The following POLQ variants were observed in gnomAD, a reference collection of about 807,000 sequenced individuals.
The protein encoded by POLQ is epididymis secretory sperm binding protein.
Under a neutral mutation model 259.2 loss-of-function variants are expected in POLQ, and 233 were observed. The observed-to-expected ratio is 0.90, with a 90% CI of 0.81 to 1.00. POLQ has a LOEUF of 1.00. Among genes scored for constraint, POLQ ranks in the 50% least tolerant of loss-of-function variants. The probability of loss-of-function intolerance (pLI) is 0.00; values close to 1 mark genes in which losing one functional copy is unlikely to be tolerated. For missense variants in POLQ, 2,871 were observed against 3,051.6 expected, an observed-to-expected ratio of 0.94 and a Z score of 1.39; for synonymous variants, 1,025 against 1,048.8, an observed-to-expected ratio of 0.98 and a Z score of 0.44.
intron 25 of POLQ, among the ~76,000 whole-genome samples, chr3:121,453,873 C>A (rs890500893): frequency 2.6e-5 from 4 of 152,066 alleles, no homozygotes; most frequent in East Asian, 1.9e-4. Context: ...TTCAGGAAAT[C>A]CAGAGAACGC....
chr3:121,466,686 A>G (rs1474942616), intron 24 of POLQ, among the ~76,000 whole-genome samples: 1 of 150,964 alleles, frequency 6.6e-6, no homozygotes, highest in Non-Finnish European at 1.5e-5. Flanking sequence ...GGGAAACTCC[A>G]TCTCGAAAAA....
intron 25 of POLQ, among the ~76,000 whole-genome samples, chr3:121,456,605 C>T (rs2108782095): frequency 6.6e-6 from 1 of 151,586 alleles, no homozygotes; most frequent in African/African-American, 2.4e-5. Flanking sequence ...AAACAGAGAG[C>T]CAAATCATGA....
chr3:121,504,424 C>G (rs1357914313), intron 12 of POLQ, among the ~76,000 whole-genome samples: 1 of 152,136 alleles, frequency 6.6e-6, no homozygotes, highest in African/African-American at 2.4e-5. Flanking sequence ...AAGTAAAGCC[C>G]AGGCCCAAGT....
chr3:121,467,658 T>A lies in POLQ; in HGVS notation c.6846-18A>T. ...ATTTTCCTCTGTGGTGCAAACAACA[T>A]CATCAGTTAGACATGAAGCAGTCTC... On this transcript the variant is annotated intron_variant, in intron 23 of 29. Transcript: ENST00000264233. 2.5e-6 allele frequency: 4 copies of A among 1,611,850 alleles called. No individual in the cohort carries two copies. The highest frequency in any genetic ancestry group is 3.4e-6 in the Non-Finnish European group (4 of 1,178,638).
chr3:121,488,338 GTCT>G lies in POLQ; in HGVS notation c.4590_4592del (p.Glu1530del). ...CATTTACATTTGATTTTTTAATTAGGTCTTCTTGTAGACACAGAGAATCACTAA... is the reference window on the plus strand; with the variant it reads ...CATTTACATTTGATTTTTTAATTAGGTCTTGTAGACACAGAGAATCACTAA... On this transcript the variant is annotated inframe_deletion, in exon 16 of 30. Coordinates refer to ENST00000264233, the MANE Select transcript of POLQ (RefSeq NM_199420.4). 1.2e-6 allele frequency: 2 copies of G among 1,612,666 alleles called. No individual in the cohort carries two copies. The highest frequency in any genetic ancestry group is 1.1e-5 in the South Asian group (1 of 90,774).
chr3:121,448,747 T>A (rs1422300031), intron 26 of POLQ, among the ~76,000 whole-genome samples: 2 of 152,156 alleles, frequency 1.3e-5, no homozygotes, highest in Non-Finnish European at 2.9e-5. Flanking sequence ...AAAAGAACTT[T>A]TTGGGATGAT....
At chr3:121,472,468 A>G (rs887072869) in intron 21 of POLQ, among the ~76,000 whole-genome samples, 1 of 152,122 alleles carries the variant, frequency 6.6e-6, no homozygotes, top group Non-Finnish European at 1.5e-5. Flanking sequence ...ATTTTACACC[A>G]TCTGTTTTCT....
At chr3:121,495,694 A>C (rs926319236) in intron 14 of POLQ, among the ~76,000 whole-genome samples, 1 of 151,414 alleles carries the variant, frequency 6.6e-6, no homozygotes, top group African/African-American at 2.4e-5. Flanking sequence ...AATACAAAAA[A>C]AAAAATTAGC....
chr3:121,474,254 CCCA>C (rs912417015), intron 20 of POLQ, among the ~76,000 whole-genome samples: 1 of 152,152 alleles, frequency 6.6e-6, no homozygotes, highest in Non-Finnish European at 1.5e-5. Context: ...GTCATCTAGT[CCCA>C]CCACCACAAT....
At position 121,544,667 on chromosome 3, in the gene POLQ, T is replaced by C. The variant is rs1243039511; in HGVS notation, c.343+60A>G. ...TTTAAACGAACCACAACTACCTCAA[T>C]AGAGTATTCTTTACATTCATATCTT... is the stretch of plus-strand genomic sequence containing the variant. On this transcript the variant is annotated intron_variant, in intron 2 of 29. Transcript: ENST00000264233. The C allele has an allele frequency of 9.0e-6, 10 of 1,109,462 alleles. No individual in the cohort carries two copies. The African/African-American group carries it at 1.3e-4, about 14-fold the overall frequency. The allele number at this position is 1,109,462 out of a possible 1,614,324, so 68.7% of individuals were successfully genotyped here.
chr3:121,493,910 G>A (rs1301791929), intron 14 of POLQ, among the ~76,000 whole-genome samples, 189 bp from the exon 15 acceptor site: 1 of 152,128 alleles, frequency 6.6e-6, no homozygotes, highest in African/African-American at 2.4e-5. Flanking sequence ...CAATAAATGT[G>A]CTAAGTTTTA....
Position 121,432,380 on chromosome 3 carries a change from AC to A in POLQ, c.7696del (p.Val2566Ter), listed in dbSNP as rs763287563. 1.6e-5 allele frequency: 26 copies of A among 1,610,506 alleles called. 1 individual carries two copies. The South Asian group carries it at 1.7e-4, about 10-fold the overall frequency. On this transcript the variant is annotated frameshift_variant, in exon 30 of 30. Coordinates refer to ENST00000264233, the MANE Select transcript of POLQ (RefSeq NM_199420.4). LOFTEE classifies it high-confidence loss of function. ...QIVKNEMESA[V>X]KLSVKLKVKV... The stretch of plus-strand genomic sequence containing the variant: ...CACTTTCAATTTCACAGACAGTTTT[AC>A]AGCACTTTCCATTTCATTCTTGACA...
rs764391099 is a variant in POLQ at position 121,490,070 on chromosome 3, T to G, written c.2861A>C (p.Asn954Thr). The part of the protein sequence containing the change: ...FSDSYIKHSP[N>T]IVQDLNKSRE... ...ACTTTTATTTAAGTCTTGCACTATA[T>G]TTGGTGAATGCTTAATATAAGAATC... The change falls in exon 16 of 30, where the codon AAT (asparagine) becomes ACT (threonine). Residue 954 changes from asparagine (N) to threonine (T), a missense_variant. By Grantham distance (65) the Asn-to-Thr change is moderately conservative (BLOSUM62 0). This residue lies in a region of POLQ where 2,080 missense variants were observed against 2,126.0 expected (regional missense o/e 0.98). Transcript: ENST00000264233. 1.9e-6 allele frequency: 3 copies of G among 1,583,850 alleles called. No homozygotes were observed. Among genetic ancestry groups the G allele is most frequent in the Non-Finnish European group, 2.6e-6 (3 of 1,165,978 alleles).
At chr3:121,452,237 G>A (rs1415955770) in intron 25 of POLQ, among the ~76,000 whole-genome samples, 2 of 152,138 alleles carry the variant, frequency 1.3e-5, no homozygotes, top group African/African-American at 4.8e-5. Flanking sequence ...GTGCTTCCCA[G>A]GTGAGGTGAT....
chr3:121,445,560 C>A (rs542882849), intron 26 of POLQ, among the ~76,000 whole-genome samples: 92 of 151,974 alleles, frequency 6.1e-4, no homozygotes, highest in Non-Finnish European at 8.7e-4. Context: ...TTTATCTTTT[C>A]AAAAAACCAA....
chr3:121,477,822 G>A (rs886174361), intron 19 of POLQ, among the ~76,000 whole-genome samples: 5 of 152,098 alleles, frequency 3.3e-5, no homozygotes, highest in Non-Finnish European at 5.9e-5. Context: ...GTCTCAATCA[G>A]CATGAGAAAT....
chr3:121,478,231 C>G (rs948200756), intron 19 of POLQ, among the ~76,000 whole-genome samples: 7 of 152,092 alleles, frequency 4.6e-5, no homozygotes, highest in African/African-American at 1.7e-4. Context: ...TAGTGTGGTA[C>G]CCAGCAGAGG....
At chr3:121,531,874 G>A (rs1191494497) in intron 6 of POLQ, among the ~76,000 whole-genome samples, 2 of 152,206 alleles carry the variant, frequency 1.3e-5, no homozygotes, top group Admixed American at 1.3e-4. Context: ...TACCAAGTAT[G>A]CAGAAACTAC....
At chr3:121,435,580 G>A (rs1036454153) in intron 28 of POLQ, among the ~76,000 whole-genome samples, 11 of 152,192 alleles carry the variant, frequency 7.2e-5, no homozygotes, top group African/African-American at 2.4e-4. Context: ...GTGGCCAACT[G>A]TCCTGGTATA....
Sources: gnomAD v4.1 joint callset for allele counts (sites outside exome capture counted in the v4.1 genomes callset) on GRCh38, gnomAD v4.1.1 for gene constraint, gnomAD v4.1.1 regional missense constraint, MANE v1.5 for transcripts, NCBI Gene and HGNC (gene_info 2026-07-23, HGNC 2026-07-21) for gene names.